Variants in CERS4 observed in about 807,000 individuals in gnomAD.
CERS4 encodes ceramide synthase 4.
In CERS4, 65 loss-of-function variants were observed where a neutral mutation model predicts 51.8. The observed-to-expected ratio is 1.26, with a 90% CI of 1.03 to 1.54. CERS4 has a LOEUF of 1.54. Among genes scored for constraint, CERS4 ranks in the 40% most tolerant of loss-of-function variants. The pLI, the probability that CERS4 is intolerant of heterozygous loss-of-function variation, is 0.00. For synonymous variants in CERS4, 228 were observed against 208.4 expected, an observed-to-expected ratio of 1.09 and a Z score of -0.81; for missense variants, 563 against 500.4, an observed-to-expected ratio of 1.13 and a Z score of -1.19.
At chr19:8,251,278 G>GC (rs1160819198) in intron 3 of CERS4, 29 bp downstream of exon 3, 1 of 1,550,364 alleles carries the variant, frequency 6.5e-7, no homozygotes, top group Non-Finnish European at 8.7e-7. Context: ...GCAATCCATT[G>GC]CCCCCGCAGT....
intron 2 of CERS4, among the ~76,000 whole-genome samples, chr19:8,247,768 C>G (rs1460752507): frequency 7.0e-6 from 1 of 143,754 alleles, no homozygotes; most frequent in South Asian, 2.2e-4. Flanking sequence ...GAGTCTTGCT[C>G]TGTTGCCCAG....
intron 2 of CERS4, among the ~76,000 whole-genome samples, chr19:8,218,598 C>T (rs1967402093): frequency 6.6e-6 from 1 of 152,116 alleles, no homozygotes; most frequent in Non-Finnish European, 1.5e-5. Flanking sequence ...GGTCAGGAGC[C>T]ATGGGGAGCC....
At chr19:8,254,651 T>C in intron 4 of CERS4, 35 bp downstream of exon 4, 1 of 1,550,464 alleles carries the variant, frequency 6.4e-7, no homozygotes, top group Non-Finnish European at 8.8e-7. Flanking sequence ...CCCGCACTAC[T>C]GCCCTGGGGG....
intron 2 of CERS4, among the ~76,000 whole-genome samples, chr19:8,221,875 T>TTG (rs1568501159): frequency 2.3e-5 from 2 of 85,650 alleles, no homozygotes; most frequent in African/African-American, 9.1e-5. Flanking sequence ...TTTTTATGTT[T>TTG]TTTTTTTTTT....
chr19:8,251,966 C>T (rs1969105939), intron 3 of CERS4, among the ~76,000 whole-genome samples: 1 of 151,456 alleles, frequency 6.6e-6, no homozygotes, highest in Non-Finnish European at 1.5e-5. Flanking sequence ...GTAGCTGATT[C>T]CTGTAATGTC....
intron 2 of CERS4, among the ~76,000 whole-genome samples, chr19:8,214,921 G>T (rs1263499041): frequency 6.7e-6 from 1 of 150,014 alleles, no homozygotes; most frequent in Non-Finnish European, 1.5e-5. Flanking sequence ...GGAGGAGGAA[G>T]AGGAAAGGGA....
chr19:8,239,518 G>A (rs1210185794), intron 2 of CERS4: 2 of 152,320 alleles, frequency 1.3e-5, no homozygotes, highest in African/African-American at 2.4e-5. Flanking sequence ...ATCAGCAGAG[G>A]TAGGCCTGGG....
intron 2 of CERS4, among the ~76,000 whole-genome samples, chr19:8,224,102 T>G (rs1342120367): frequency 1.0e-5 from 1 of 96,792 alleles, no homozygotes; most frequent in East Asian, 2.8e-4. Context: ...AGACTCCGTC[T>G]TTAAAAAAAA....
Position 8,251,158 on chromosome 19 carries a change from C to G in CERS4, c.82C>G (p.Arg28Gly), listed in dbSNP as rs986709202. The part of the protein sequence containing the change: ...PNVTWTELED[R>G]DGRVYPHPQD... The stretch of plus-strand genomic sequence containing the variant: ...TGTCACGTGGACAGAGCTAGAAGAC[C>G]GGGATGGCCGTGTCTACCCCCACCC... The change falls in exon 3 of 12, where the codon CGG (arginine) becomes GGG (glycine). Residue 28 changes from arginine to glycine, a missense_variant. Physicochemically the swap from Arg to Gly is moderately radical, Grantham distance 125. Coordinates refer to ENST00000251363, the MANE Select transcript of CERS4 (RefSeq NM_024552.3). The G allele has an allele frequency of 6.8e-6, 11 of 1,613,252 alleles. No individual in the cohort carries two copies. In the African/African-American group the frequency reaches 8.0e-5, roughly 12 times the overall value.
chr19:8,236,992 G>C (rs1968290244), intron 2 of CERS4, among the ~76,000 whole-genome samples: 1 of 92,532 alleles, frequency 1.1e-5, no homozygotes, highest in East Asian at 3.7e-4. Flanking sequence ...AACAGAGCGA[G>C]ACTCTGTCTC....
chr19:8,236,246 T>A (rs906570810), intron 2 of CERS4, among the ~76,000 whole-genome samples: 1 of 152,204 alleles, frequency 6.6e-6, no homozygotes, highest in Admixed American at 6.6e-5. Context: ...ATGTCCTATT[T>A]CATGACTTGT....
intron 2 of CERS4, among the ~76,000 whole-genome samples, chr19:8,221,768 C>T (rs1294166282): frequency 3.3e-5 from 5 of 151,282 alleles, no homozygotes; most frequent in Admixed American, 1.3e-4. Context: ...TCAAGTGATC[C>T]GCCCTCCTCA....
intron 9 of CERS4, among the ~76,000 whole-genome samples, chr19:8,257,442 T>A (rs1969456552): frequency 5.0e-5 from 1 of 19,818 alleles, no homozygotes; most frequent in Admixed American, 6.7e-4. Flanking sequence ...GTATTCACAT[T>A]TTTTTTTTTG....
intron 2 of CERS4, among the ~76,000 whole-genome samples, chr19:8,249,536 C>T (rs1968962095): frequency 6.6e-6 from 1 of 151,344 alleles, no homozygotes; most frequent in South Asian, 2.1e-4. Context: ...CCTGAAATTC[C>T]CACCTAGAGA....
chr19:8,256,379 C>T, intron 7 of CERS4, 93 bp downstream of exon 7: 2 of 1,372,920 alleles, frequency 1.5e-6, no homozygotes, highest in Non-Finnish European at 2.0e-6. Context: ...CCTGACACTA[C>T]ACTGTCATTC....
intron 6 of CERS4, 35 bp downstream of exon 6, chr19:8,255,914 G>GCCCCATCCA (rs757432824): frequency 6.2e-7 from 1 of 1,608,372 alleles, no homozygotes; most frequent in South Asian, 1.1e-5. Context: ...CTGCTCACCT[G>GCCCCATCCA]CCCCATCCAC....
intron 3 of CERS4, among the ~76,000 whole-genome samples, chr19:8,251,800 TAA>T (rs111723071): frequency 2.1e-5 from 3 of 144,068 alleles, no homozygotes; most frequent in African/African-American, 7.8e-5. Context: ...CAAGACTCCA[TAA>T]AAAAAAAAAA....
intron 7 of CERS4, 21 bp from the exon 8 acceptor site, chr19:8,256,597 C>T (rs1969396574): frequency 8.7e-6 from 14 of 1,602,896 alleles, no homozygotes; most frequent in South Asian, 4.5e-5. Flanking sequence ...CCACAGCTAA[C>T]CTTGTCCTGT....
rs755344920 is a variant in CERS4 at position 8,256,609 on chromosome 19, C to T, written c.520-9C>T. 3.7e-6 allele frequency: 6 copies of T among 1,608,996 alleles called. No individual in the cohort carries two copies. The highest frequency in any genetic ancestry group is 2.2e-5 in the South Asian group (2 of 90,430). On this transcript the variant is annotated splice_polypyrimidine_tract_variant and intron_variant, in intron 7 of 11. Transcript: ENST00000251363. ...TCCCCACAGCTAACCTTGTCCTGTC[C>T]TGCTGCAGACTCTGAAGCCATCCCT...
Sources: allele counts gnomAD v4.1 joint callset (sites outside exome capture counted in the v4.1 genomes callset), GRCh38; gene constraint gnomAD v4.1.1; transcripts MANE v1.5; gene names NCBI Gene and HGNC (gene_info 2026-07-23, HGNC 2026-07-21).